The following PCDH15 variants were observed in gnomAD, a reference collection of about 807,000 sequenced individuals.
PCDH15 encodes protocadherin related 15, also known as protocadherin-15.
A neutral mutation model predicts 178.5 loss-of-function variants in PCDH15; 129 were observed. The observed-to-expected ratio is 0.72, with a 90% CI of 0.63 to 0.84. The LOEUF (loss-of-function observed/expected upper bound fraction) is 0.84, where lower values mean the gene tolerates loss of function less well. Ranked by LOEUF, PCDH15 falls within the 40% of genes least tolerant of loss-of-function variation. The probability of loss-of-function intolerance (pLI) is 0.00; values close to 1 mark genes in which losing one functional copy is unlikely to be tolerated. For missense variants in PCDH15, 2,230 were observed against 2,099.9 expected (o/e 1.06, Z -1.21); for synonymous variants, 800 against 732.0 (o/e 1.09, Z -1.50).
chr10:55,527,879 G>T (rs1164341481), intron 2 of PCDH15, among the ~76,000 whole-genome samples: 1 of 151,848 alleles, frequency 6.6e-6, no homozygotes, highest in African/African-American at 2.4e-5. Flanking sequence ...CAACAATGAG[G>T]TAGCTAATTT....
At chr10:54,627,636 G>C (rs2093594034) in intron 2 of PCDH15, among the ~76,000 whole-genome samples, 1 of 152,152 alleles carries the variant, frequency 6.6e-6, no homozygotes, top group Non-Finnish European at 1.5e-5. Context: ...TATCAGCAGT[G>C]TGAAAATGGA....
chr10:55,445,722 T>A (rs1396637501), intron 2 of PCDH15, among the ~76,000 whole-genome samples: 1 of 151,996 alleles, frequency 6.6e-6, no homozygotes, highest in African/African-American at 2.4e-5. Context: ...CCAAAAAAAA[T>A]CCAAGAGCTT....
At chr10:54,563,400 A>G (rs554832933) in intron 2 of PCDH15, among the ~76,000 whole-genome samples, 136 of 152,132 alleles carry the variant, frequency 8.9e-4, no homozygotes, top group Admixed American at 8.0e-3. Context: ...TAATTGCCTA[A>G]GTATCTGGAC....
intron 2 of PCDH15, among the ~76,000 whole-genome samples, chr10:54,596,608 C>A (rs2092253691): frequency 6.6e-6 from 1 of 152,030 alleles, no homozygotes; most frequent in Non-Finnish European, 1.5e-5. Context: ...TAATACTAAC[C>A]TTGAATGTAA....
intron 18 of PCDH15, among the ~76,000 whole-genome samples, chr10:54,055,263 A>G (rs2093861015): frequency 6.6e-6 from 1 of 152,200 alleles, no homozygotes; most frequent in Non-Finnish European, 1.5e-5. Flanking sequence ...TTGTGTTTTA[A>G]GTTAAATAAA....
At chr10:55,609,877 ATTG>A (rs1285667152) in intron 2 of PCDH15, among the ~76,000 whole-genome samples, 1 of 152,128 alleles carries the variant, frequency 6.6e-6, no homozygotes, top group East Asian at 1.9e-4. Context: ...CTGATCATAT[ATTG>A]TTAACTGTAA....
At chr10:53,935,963 G>A (rs2085538868) in intron 25 of PCDH15, among the ~76,000 whole-genome samples, 1 of 152,052 alleles carries the variant, frequency 6.6e-6, no homozygotes, top group South Asian at 2.1e-4. Flanking sequence ...GTTTAAGGAA[G>A]GAGTGAATAT....
At chr10:54,118,771 TA>T in intron 15 of PCDH15, among the ~76,000 whole-genome samples, 1 of 118,952 alleles carries the variant, frequency 8.4e-6, no homozygotes, top group African/African-American at 3.8e-5. Flanking sequence ...AGGAAAGTTT[TA>T]TTTTTATTTT....
chr10:55,518,369 C>T (rs1461053348), intron 2 of PCDH15, among the ~76,000 whole-genome samples: 1 of 152,080 alleles, frequency 6.6e-6, no homozygotes, highest in African/African-American at 2.4e-5. Context: ...CAGTCTGGAT[C>T]ATGAACAAAG....
chr10:54,459,997 T>C (rs145789765), intron 3 of PCDH15, among the ~76,000 whole-genome samples: 57 of 152,280 alleles, frequency 3.7e-4, no homozygotes, highest in African/African-American at 1.2e-3. Context: ...TAAGCCTGCA[T>C]TGAAGTTTTT....
chr10:54,917,345 T>C (rs1242456192), intron 2 of PCDH15, among the ~76,000 whole-genome samples: 1 of 152,194 alleles, frequency 6.6e-6, no homozygotes. Context: ...AGAACGTAGC[T>C]GATGTCTGAA....
rs200247129 is a variant in PCDH15, at chr10:54,410,903, G to T, written c.158-31961C>A. On this transcript the variant is annotated intron_variant, in intron 3 of 37. Transcript: ENST00000644397. ...CCGAGCTGGCATTGTTGAATAAGGG[G>T]CCCTGATTTGCTGCTCAATAGCTGA... 2.0e-5 allele frequency among the ~76,000 whole-genome samples: 3 copies of T among 146,972 alleles called. No homozygotes were observed. In the Admixed American group the frequency reaches 2.1e-4, roughly 10 times the overall value.
intron 2 of PCDH15, among the ~76,000 whole-genome samples, chr10:55,532,819 G>C (rs1441347712): frequency 8.6e-5 from 13 of 151,998 alleles, no homozygotes; most frequent in Admixed American, 8.6e-4. Flanking sequence ...CTCCTTCACA[G>C]AATCCATGAC....
chr10:54,201,366 C>T (rs1591132622), intron 10 of PCDH15, among the ~76,000 whole-genome samples: 1 of 151,950 alleles, frequency 6.6e-6, no homozygotes, highest in Non-Finnish European at 1.5e-5. Flanking sequence ...GGTAATACCA[C>T]ATTTTAATTT....
intron 2 of PCDH15, among the ~76,000 whole-genome samples, chr10:55,618,548 C>G (rs1212415653): frequency 1.3e-5 from 2 of 152,032 alleles, no homozygotes; most frequent in Non-Finnish European, 2.9e-5. Flanking sequence ...TGCTTTTCTA[C>G]TACTCTTCCC....
intron 2 of PCDH15, among the ~76,000 whole-genome samples, chr10:55,327,113 T>G (rs1288558778): frequency 6.6e-6 from 1 of 152,008 alleles, no homozygotes; most frequent in African/African-American, 2.4e-5. Context: ...ATGATTAGGA[T>G]GTAGGACCAG....
At chr10:54,502,820 A>G (rs774420882) in intron 3 of PCDH15, among the ~76,000 whole-genome samples, 7 of 151,960 alleles carry the variant, frequency 4.6e-5, no homozygotes, top group Non-Finnish European at 7.4e-5. Context: ...ACTGTTTCCT[A>G]TGTGTTATGC....
intron 2 of PCDH15, among the ~76,000 whole-genome samples, chr10:55,500,376 T>C (rs1422844426): frequency 6.6e-6 from 1 of 151,834 alleles, no homozygotes; most frequent in African/African-American, 2.4e-5. Context: ...TTGATTAGCA[T>C]ATTTAACTTT....
In PCDH15 at chr10:54,701,459, A is replaced by C. The variant is rs1047167574; in HGVS notation, c.-28-37169T>G. Among the ~76,000 whole-genome samples the C allele has an allele frequency of 2.0e-5, 3 of 152,120 alleles. No homozygotes were observed. The South Asian group carries it at 6.2e-4, about 31-fold the overall frequency. On this transcript the variant is annotated intron_variant, in intron 1 of 37. Coordinates refer to ENST00000644397, the MANE Select transcript of PCDH15 (RefSeq NM_001384140.1). ...GATCATATCTGCACATATCAGTATT[A>C]ACCTTGAATGTAAATGAGCTAAATA...
Sources: gnomAD v4.1 joint callset for allele counts (sites outside exome capture counted in the v4.1 genomes callset) on GRCh38, gnomAD v4.1.1 for gene constraint, MANE v1.5 for transcripts, NCBI Gene and HGNC (gene_info 2026-07-23, HGNC 2026-07-21) for gene names.